Variants in DYNC2H1 observed in about 807,000 individuals in gnomAD.
The protein encoded by DYNC2H1 is dynein cytoplasmic 2 heavy chain 1, also known as cytoplasmic dynein 2 heavy chain 1.
A neutral mutation model predicts 570.0 loss-of-function variants in DYNC2H1; 410 were observed. The ratio of observed to expected loss-of-function variants is 0.72; its 90% CI spans 0.66 to 0.78. DYNC2H1 has a LOEUF of 0.78. Ranked by LOEUF, DYNC2H1 falls within the 30% of genes least tolerant of loss-of-function variation. DYNC2H1 has a pLI of 0.00. For missense variants in DYNC2H1, 4,865 were observed against 5,046.4 expected (o/e 0.96, Z 1.09); for synonymous variants, 1,688 against 1,677.6 (o/e 1.01, Z -0.15).
At chr11:103,158,830 A>T (rs1464595929) in intron 27 of DYNC2H1, 21 bp downstream of exon 27, 9 of 1,455,260 alleles carry the variant, frequency 6.2e-6, no homozygotes, top group Non-Finnish European at 5.5e-6. Flanking sequence ...TAAGAAAAAA[A>T]TATATAATAA....
intron 55 of DYNC2H1, among the ~76,000 whole-genome samples, chr11:103,218,928 G>T (rs1227481322): frequency 6.6e-6 from 1 of 152,144 alleles, no homozygotes; most frequent in Non-Finnish European, 1.5e-5. Flanking sequence ...AACTTCTAAG[G>T]CTTGCAATTC....
At chr11:103,247,913 G>A (rs1013999608) in intron 65 of DYNC2H1, among the ~76,000 whole-genome samples, 1 of 151,992 alleles carries the variant, frequency 6.6e-6, no homozygotes, top group African/African-American at 2.4e-5. Context: ...GAAGGGTATA[G>A]GGACCGAAGA....
At chr11:103,435,523 A>G (rs1327619319) in intron 84 of DYNC2H1, among the ~76,000 whole-genome samples, 1 of 151,860 alleles carries the variant, frequency 6.6e-6, no homozygotes, top group Non-Finnish European at 1.5e-5. Flanking sequence ...TTTGTTTCAT[A>G]TGTCTCCATG....
intron 87 of DYNC2H1, among the ~76,000 whole-genome samples, chr11:103,459,921 C>T (rs1030688282): frequency 1.4e-5 from 2 of 139,040 alleles, no homozygotes; most frequent in South Asian, 2.3e-4. Flanking sequence ...CACTGCAGTC[C>T]GCAGTCCGGC....
intron 88 of DYNC2H1, among the ~76,000 whole-genome samples, chr11:103,469,313 G>A (rs1945295208): frequency 1.3e-5 from 2 of 152,114 alleles, no homozygotes; most frequent in South Asian, 4.1e-4. Flanking sequence ...GTAGAACTTG[G>A]GGTATACATG....
intron 85 of DYNC2H1, among the ~76,000 whole-genome samples, chr11:103,450,130 TAC>T (rs1174198407): frequency 1.3e-5 from 2 of 152,162 alleles, no homozygotes; most frequent in Non-Finnish European, 2.9e-5. Flanking sequence ...TTTATAATGA[TAC>T]AGAGATCAAG....
At chr11:103,269,751 G>A (rs910909614) in intron 70 of DYNC2H1, among the ~76,000 whole-genome samples, 1 of 151,944 alleles carries the variant, frequency 6.6e-6, no homozygotes, top group Non-Finnish European at 1.5e-5. Context: ...TGTATATTTT[G>A]TTCCCTAAAA....
chr11:103,270,603 GAACT>G (rs1160551950), intron 70 of DYNC2H1, among the ~76,000 whole-genome samples: 1 of 126,876 alleles, frequency 7.9e-6, no homozygotes, highest in Non-Finnish European at 1.8e-5. Flanking sequence ...TCTCTCTCTC[GAACT>G]ATCTTATTGT....
At position 103,300,111 on chromosome 11, in the gene DYNC2H1, T is replaced by TA. The variant is rs1030660343; in HGVS notation, c.11096-2981dup. On this transcript the variant is annotated intron_variant, in intron 75 of 88. Transcript: ENST00000375735. ...TTAAAAAGAATGAATCTATTATACTTACTACGTATAATAGTTTTGATAATT... is the reference window on the plus strand; with the variant it reads ...TTAAAAAGAATGAATCTATTATACTTAACTACGTATAATAGTTTTGATAATT... Among the ~76,000 whole-genome samples, 89 of 152,208 alleles carry TA rather than the reference T, an allele frequency of 5.8e-4. 1 individual carries two copies. Among genetic ancestry groups the TA allele is most frequent in the African/African-American group, 2.1e-3 (88 of 41,570 alleles).
At chr11:103,322,365 G>A (rs1213099178) in intron 81 of DYNC2H1, among the ~76,000 whole-genome samples, 2 of 152,084 alleles carry the variant, frequency 1.3e-5, no homozygotes, top group African/African-American at 2.4e-5. Context: ...CATCCTAAGT[G>A]CACAATTCCA....
intron 82 of DYNC2H1, among the ~76,000 whole-genome samples, chr11:103,352,282 G>T (rs2566921): frequency 1.3e-5 from 2 of 151,524 alleles, no homozygotes; most frequent in Non-Finnish European, 2.9e-5. Context: ...GTTATATATA[G>T]CTTTCATCTA....
chr11:103,158,141 G>T (rs1860915296), intron 26 of DYNC2H1, among the ~76,000 whole-genome samples: 1 of 152,136 alleles, frequency 6.6e-6, no homozygotes, highest in Non-Finnish European at 1.5e-5. Context: ...GCTCTATGAG[G>T]TAGGGCTTAA....
chr11:103,199,501 T>G lies in DYNC2H1; in HGVS notation c.8088+25T>G. 1 of 1,503,854 alleles carries G rather than the reference T, an allele frequency of 6.6e-7. No individual in the cohort carries two copies. Among genetic ancestry groups the G allele is most frequent in the Non-Finnish European group, 8.9e-7 (1 of 1,125,852 alleles). 93.2% of individuals were successfully genotyped at this position (1,503,854 alleles called of 1,614,324 possible). On this transcript the variant is annotated intron_variant, in intron 49 of 88. Coordinates refer to ENST00000375735, the MANE Select transcript of DYNC2H1 (RefSeq NM_001377.3). This position sits in a 1 kb window ranked among gnomAD's most constrained non-coding sequence, Gnocchi z 4.6. ...TGTGAGTTGCCCACTCTCTTTTGCT[T>G]TATTTGGTTTTAAATTACATTGGTT...
chr11:103,471,237 G>A lies in DYNC2H1; in HGVS notation c.12765+2532G>A, dbSNP rs146962072. On this transcript the variant is annotated intron_variant, in intron 88 of 88. Transcript: ENST00000375735. ...TACATGACATGTAATGGAAGAATTT[G>A]TTAGTGCTTCCCCACCTCCTTTTTC... Among the ~76,000 whole-genome samples, 451 of 152,250 alleles carry A rather than the reference G, an allele frequency of 3.0e-3. 1 individual carries two copies. Among genetic ancestry groups the A allele is most frequent in the African/African-American group, 0.01 (436 of 41,552 alleles).
chr11:103,428,200 T>TTC (rs57574349), intron 84 of DYNC2H1, among the ~76,000 whole-genome samples: 9 of 148,574 alleles, frequency 6.1e-5, no homozygotes, highest in East Asian at 2.0e-4. Flanking sequence ...TTTTTTTTTT[T>TTC]CAGAATATCT....
In DYNC2H1 at chr11:103,277,497, T is replaced by C. The variant is rs956731398; in HGVS notation, c.10696-2851T>C. 6.6e-6 allele frequency among the ~76,000 whole-genome samples: 1 copy of C among 152,188 alleles called. No individual in the cohort carries two copies. Among genetic ancestry groups the C allele is most frequent in the African/African-American group, 2.4e-5 (1 of 41,464 alleles). On this transcript the variant is annotated intron_variant, in intron 70 of 88. Coordinates refer to ENST00000375735, the MANE Select transcript of DYNC2H1 (RefSeq NM_001377.3). The surrounding 1 kb of genome is among the most constrained non-coding windows in gnomAD (Gnocchi z 4.3). The stretch of plus-strand genomic sequence containing the variant: ...ATTCTTGAGTATTTAATGATACTTG[T>C]ATTAGAGTCTCTTTCAGATTGTTCT...
chr11:103,136,658 C>T (rs1859573543), intron 17 of DYNC2H1, among the ~76,000 whole-genome samples: 1 of 152,172 alleles, frequency 6.6e-6, no homozygotes. Context: ...CAAGTCTTTG[C>T]TATTGTGAAT....
chr11:103,381,542 C>T (rs1463406116), intron 83 of DYNC2H1, among the ~76,000 whole-genome samples: 1 of 152,168 alleles, frequency 6.6e-6, no homozygotes, highest in African/African-American at 2.4e-5. Flanking sequence ...CTCCACCTCC[C>T]GCGTTCAAGC....
chr11:103,210,516 T>G (rs968694025), intron 53 of DYNC2H1, among the ~76,000 whole-genome samples: 16 of 152,170 alleles, frequency 1.1e-4, no homozygotes, highest in Admixed American at 3.3e-4. Context: ...GGCTGGATAT[T>G]AGAGATCACT....
Sources: gnomAD v4.1 joint callset for allele counts (sites outside exome capture counted in the v4.1 genomes callset) on GRCh38, gnomAD v4.1.1 for gene constraint, Gnocchi (gnomAD v3.1) non-coding constraint, MANE v1.5 for transcripts, NCBI Gene and HGNC (gene_info 2026-07-23, HGNC 2026-07-21) for gene names.